The following GPR6 variants were observed in gnomAD, a reference collection of about 807,000 sequenced individuals.
GPR6 encodes sphingosine 1-phosphate receptor GPR6.
Under a neutral mutation model 18.5 loss-of-function variants are expected in GPR6, and 14 were observed. The observed-to-expected ratio is 0.76, with a 90% confidence interval of 0.50 to 1.18. The LOEUF is 1.18. Ranked by LOEUF, GPR6 falls within the 50% of genes most tolerant of loss-of-function variation. The probability of loss-of-function intolerance (pLI) is 0.00; values close to 1 mark genes in which losing one functional copy is unlikely to be tolerated. For missense variants in GPR6, 477 were observed against 495.9 expected (o/e 0.96, Z 0.36); for synonymous variants, 299 against 240.9 (o/e 1.24, Z -2.23).
Position 109,979,358 on chromosome 6 carries a change from G to A in GPR6, c.246G>A (p.Ser82=). Reference sequence around the variant, plus strand: ...CGTGGGACGTGCTCCTGTGCGTGTCGGGGACAGTGATCGCTGGAGAAAACG... The same window carrying A: ...CGTGGGACGTGCTCCTGTGCGTGTCAGGGACAGTGATCGCTGGAGAAAACG... ...VNPWDVLLCV[S]GTVIAGENAL... Residue 82 remains serine (S), a synonymous_variant, in exon 2 of 2, where the codon TCG becomes TCA. Coordinates refer to ENST00000275169, the MANE Select transcript of GPR6 (RefSeq NM_005284.5). 1.9e-6 allele frequency: 3 copies of A among 1,613,722 alleles called. No individual in the cohort carries two copies. Among genetic ancestry groups the A allele is most frequent in the South Asian group, 1.1e-5 (1 of 91,080 alleles).
At position 109,979,128 on chromosome 6, in the gene GPR6, G is replaced by C; in HGVS notation, c.16G>C (p.Ala6Pro). 1.3e-6 allele frequency: 2 copies of C among 1,588,722 alleles called. No homozygotes were observed. Among genetic ancestry groups the C allele is most frequent in the Non-Finnish European group, 1.7e-6 (2 of 1,174,944 alleles). MNASA[A>P]SLNDSQVVVV... Reference sequence around the variant, plus strand: ...TCCGGCCGCGATGAACGCGAGCGCCGCCTCGCTCAACGACTCCCAGGTGGT... The same window carrying C: ...TCCGGCCGCGATGAACGCGAGCGCCCCCTCGCTCAACGACTCCCAGGTGGT... Residue 6 changes from alanine to proline, a missense_variant, in exon 2 of 2, where the codon GCC becomes CCC. Transcript: ENST00000275169.
rs1771050800 is a variant in GPR6, at chr6:109,980,058, C to A, written c.946C>A (p.Leu316Met). 3 of 1,614,122 alleles carry A rather than the reference C, an allele frequency of 1.9e-6. No individual in the cohort carries two copies. Among genetic ancestry groups the A allele is most frequent in the East Asian group, 4.5e-5 (2 of 44,870 alleles). Reference protein sequence around the residue: ...DPAVYTYATLLPATYNSMINP... With the variant: ...DPAVYTYATLMPATYNSMINP... ...GGCGGTCTACACTTACGCCACCCTG[C>A]TGCCCGCCACCTACAACTCCATGAT... is the stretch of plus-strand genomic sequence containing the variant. Residue 316 changes from leucine (L) to methionine (M), a missense_variant, in exon 2 of 2, where the codon CTG (leucine) becomes ATG (methionine). Physicochemically the swap from Leu to Met is conservative, Grantham distance 15. Coordinates refer to ENST00000275169, the MANE Select transcript of GPR6 (RefSeq NM_005284.5).
At position 109,979,940 on chromosome 6, in the gene GPR6, G is replaced by A; in HGVS notation, c.828G>A (p.Lys276=). The change falls in exon 2 of 2, where the codon AAG becomes AAA. Residue 276 remains lysine, a synonymous_variant. Coordinates refer to ENST00000275169, the MANE Select transcript of GPR6 (RefSeq NM_005284.5). Reference sequence around the variant, plus strand: ...CACCCCATCTCGCTGCCACCAGAAAGGGTGTGGGTACACTGGCTGTGGTGC... The same window carrying A: ...CACCCCATCTCGCTGCCACCAGAAAAGGTGTGGGTACACTGGCTGTGGTGC... ...LAPPHLAATR[K]GVGTLAVVLG... is the part of the protein sequence containing the mutation. 1 of 1,613,014 alleles carries A rather than the reference G, an allele frequency of 6.2e-7. No individual in the cohort carries two copies.
chr6:109,979,766 G>T lies in GPR6; in HGVS notation c.654G>T (p.Val218=). 1 of 1,599,174 alleles carries T rather than the reference G, an allele frequency of 6.3e-7. No homozygotes were observed. The part of the protein sequence containing the change: ...NCLAERAACS[V]VRPLARSHVA... ...TGGCAGAGCGCGCCGCCTGCAGCGT[G>T]GTGCGCCCGCTGGCGCGCAGCCACG... The change falls in exon 2 of 2, where the codon GTG becomes GTT. Residue 218 remains valine (V), a synonymous_variant. Transcript: ENST00000275169.
chr6:109,979,474 C>G lies in GPR6; in HGVS notation c.362C>G (p.Ala121Gly). 1 of 1,613,308 alleles carries G rather than the reference C, an allele frequency of 6.2e-7. No individual in the cohort carries two copies. The highest frequency in any genetic ancestry group is 8.5e-7 in the Non-Finnish European group (1 of 1,179,996). ...VGSLATADLL[A>G]GCGLILHFVF... ...AGCCTGGCCACCGCTGACCTGTTGG[C>G]GGGCTGTGGCCTCATCTTGCACTTT... The change falls in exon 2 of 2, where the codon GCG (alanine) becomes GGG (glycine). Residue 121 changes from alanine to glycine, a missense_variant. By Grantham distance (60) the Ala-to-Gly change is moderately conservative. Coordinates refer to ENST00000275169, the MANE Select transcript of GPR6 (RefSeq NM_005284.5).
At position 109,978,361 on chromosome 6, in the gene GPR6, G is replaced by T. The variant is rs971619928; in HGVS notation, c.-125G>T. On this transcript the variant is annotated 5_prime_UTR_variant, in exon 1 of 2. Transcript: ENST00000275169. ...GCGCCCCGCGCTTGCCTCCTCCCCG[G>T]CCCGGCCGCCTCCTGCAGGCAGCTG... 21 of 181,356 alleles carry T rather than the reference G, an allele frequency of 1.2e-4. No individual in the cohort carries two copies. Among genetic ancestry groups the T allele is most frequent in the South Asian group, 1.9e-4 (1 of 5,224 alleles). The allele number at this position is 181,356 out of a possible 1,614,324, so 11.2% of individuals were successfully genotyped here.
At position 109,979,360 on chromosome 6, in the gene GPR6, G is replaced by T; in HGVS notation, c.248G>T (p.Gly83Val). ...NPWDVLLCVS[G>V]TVIAGENALV... ...TGGGACGTGCTCCTGTGCGTGTCGG[G>T]GACAGTGATCGCTGGAGAAAACGCG... The change falls in exon 2 of 2, where the codon GGG (glycine) becomes GTG (valine). Residue 83 changes from glycine (G) to valine (V), a missense_variant. Coordinates refer to ENST00000275169, the MANE Select transcript of GPR6 (RefSeq NM_005284.5). 1 of 1,613,788 alleles carries T rather than the reference G, an allele frequency of 6.2e-7. No homozygotes were observed.
chr6:109,979,483 G>GCCTC lies in GPR6; in HGVS notation c.372_375dup (p.Ile126ProfsTer48). Reference sequence around the variant, plus strand: ...ACCGCTGACCTGTTGGCGGGCTGTGGCCTCATCTTGCACTTTGTGTTCCAG... The same window carrying GCCTC: ...ACCGCTGACCTGTTGGCGGGCTGTGGCCTCCCTCATCTTGCACTTTGTGTTCCAG... On this transcript the variant is annotated frameshift_variant, in exon 2 of 2. Coordinates refer to ENST00000275169, the MANE Select transcript of GPR6 (RefSeq NM_005284.5). LOFTEE classifies it high-confidence loss of function. The GCCTC allele has an allele frequency of 6.2e-7, 1 of 1,613,342 alleles. No homozygotes were observed. The highest frequency in any genetic ancestry group is 8.5e-7 in the Non-Finnish European group (1 of 1,179,998).
At position 109,979,871 on chromosome 6, in the gene GPR6, G is replaced by A; in HGVS notation, c.759G>A (p.Trp253Ter). 6.2e-7 allele frequency: 1 copy of A among 1,609,978 alleles called. No homozygotes were observed. The highest frequency in any genetic ancestry group is 8.5e-7 in the Non-Finnish European group (1 of 1,179,850). The change falls in exon 2 of 2, where the codon TGG becomes TGA. Residue 253 changes from tryptophan to a stop codon, truncating the protein, a stop_gained. Coordinates refer to ENST00000275169, the MANE Select transcript of GPR6 (RefSeq NM_005284.5). LOFTEE classifies it high-confidence loss of function. ...ACGTGCGCATCTGCCAGGTGGTCTG[G>A]CGCCACGCGCACCAGATCGCGCTGC... ...HLYVRICQVV[W>*]RHAHQIALQQ...
In GPR6 at chr6:109,979,147, AGGT is replaced by A. The variant is rs761337051; in HGVS notation, c.42_44del (p.Val16del). 6.2e-7 allele frequency: 1 copy of A among 1,601,358 alleles called. No homozygotes were observed. Among genetic ancestry groups the A allele is most frequent in the Non-Finnish European group, 8.5e-7 (1 of 1,177,906 alleles). On this transcript the variant is annotated inframe_deletion, in exon 2 of 2. Coordinates refer to ENST00000275169, the MANE Select transcript of GPR6 (RefSeq NM_005284.5). ...AGCGCCGCCTCGCTCAACGACTCCC[AGGT>A]GGTGGTAGTGGCGGCCGAAGGAGCG...
At position 109,979,657 on chromosome 6, in the gene GPR6, T is replaced by C. The variant is rs770066151; in HGVS notation, c.545T>C (p.Leu182Pro). Residue 182 changes from leucine to proline, a missense_variant, in exon 2 of 2, where the codon CTG becomes CCG. By Grantham distance (98) the Leu-to-Pro change is moderately conservative. Transcript: ENST00000275169. The stretch of plus-strand genomic sequence containing the variant: ...CTCACCTATTACTCGCGCCGGACCC[T>C]GTTGGGCGTGCACCTCCTGCTTGCC... ...NALTYYSRRT[L>P]LGVHLLLAAT... The C allele has an allele frequency of 1.9e-6, 3 of 1,611,818 alleles. No homozygotes were observed. Among genetic ancestry groups the C allele is most frequent in the Admixed American group, 1.7e-5 (1 of 60,030 alleles).
In GPR6 at chr6:109,979,861, A is replaced by G. The variant is rs1771044668; in HGVS notation, c.749A>G (p.Gln250Arg). The change falls in exon 2 of 2, where the codon CAG becomes CGG. Residue 250 changes from glutamine to arginine, a missense_variant. Coordinates refer to ENST00000275169, the MANE Select transcript of GPR6 (RefSeq NM_005284.5). ...CTGCACCTGTACGTGCGCATCTGCCAGGTGGTCTGGCGCCACGCGCACCAG... is the reference window on the plus strand; with the variant it reads ...CTGCACCTGTACGTGCGCATCTGCCGGGTGGTCTGGCGCCACGCGCACCAG... ...IMLHLYVRIC[Q>R]VVWRHAHQIA... The G allele has an allele frequency of 6.2e-7, 1 of 1,609,512 alleles. No individual in the cohort carries two copies. The highest frequency in any genetic ancestry group is 8.5e-7 in the Non-Finnish European group (1 of 1,179,824).
Position 109,980,504 on chromosome 6 carries a change from T to C in GPR6, c.*303T>C. 2 of 391,564 alleles carry C rather than the reference T, an allele frequency of 5.1e-6. No homozygotes were observed. Among genetic ancestry groups the C allele is most frequent in the Non-Finnish European group, 9.5e-6 (2 of 211,110 alleles). The allele number at this position is 391,564 out of a possible 1,614,324, so 24.3% of individuals were successfully genotyped here. On this transcript the variant is annotated 3_prime_UTR_variant, in exon 2 of 2. Transcript: ENST00000275169. ...AAGATATGGTTGTATACTCAAATTG[T>C]ACATCACGTTTGTCAAACGAAGACA... is the stretch of plus-strand genomic sequence containing the variant.
rs375711945 is a variant in GPR6 at position 109,979,211 on chromosome 6, G to C, written c.99G>C (p.Thr33=). The change falls in exon 2 of 2, where the codon ACG becomes ACC. Residue 33 remains threonine (T), a synonymous_variant. Transcript: ENST00000275169. The stretch of plus-strand genomic sequence containing the variant: ...CCACAGCAGCAGGGGGGCCGGACAC[G>C]GGCGAATGGGGACCCCCTGCTGCGG... ...AAATAAGGPD[T]GEWGPPAAAA... The C allele has an allele frequency of 2.5e-6, 4 of 1,600,620 alleles. No individual in the cohort carries two copies. Among genetic ancestry groups the C allele is most frequent in the East Asian group, 4.5e-5 (2 of 44,788 alleles).
rs1299157387 is a variant in GPR6, at chr6:109,979,807, C to T, written c.695C>T (p.Ala232Val). ...CGCAGCCACGTGGCTCTGCTCTCCG[C>T]CGCCTTCTTCATGGTCTTCGGCATC... ...LARSHVALLS[A>V]AFFMVFGIML... The change falls in exon 2 of 2, where the codon GCC becomes GTC. Residue 232 changes from alanine to valine, a missense_variant. Ala to Val is a moderately conservative substitution (Grantham distance 64). Coordinates refer to ENST00000275169, the MANE Select transcript of GPR6 (RefSeq NM_005284.5). The T allele has an allele frequency of 6.2e-7, 1 of 1,602,216 alleles. No homozygotes were observed. The highest frequency in any genetic ancestry group is 8.5e-7 in the Non-Finnish European group (1 of 1,178,254).
Position 109,979,936 on chromosome 6 carries a change from G to C in GPR6, c.824G>C (p.Arg275Thr). Residue 275 changes from arginine to threonine, a missense_variant, in exon 2 of 2, where the codon AGA becomes ACA. Coordinates refer to ENST00000275169, the MANE Select transcript of GPR6 (RefSeq NM_005284.5). ...CLAPPHLAAT[R>T]KGVGTLAVVL... ...GCGCCACCCCATCTCGCTGCCACCA[G>C]AAAGGGTGTGGGTACACTGGCTGTG... 6.2e-7 allele frequency: 1 copy of C among 1,612,966 alleles called. No individual in the cohort carries two copies. The highest frequency in any genetic ancestry group is 1.1e-5 in the South Asian group (1 of 91,086).
Position 109,979,880 on chromosome 6 carries a change from G to T in GPR6, c.768G>T (p.Ala256=). 3 of 1,610,684 alleles carry T rather than the reference G, an allele frequency of 1.9e-6. No individual in the cohort carries two copies. Among genetic ancestry groups the T allele is most frequent in the Non-Finnish European group, 2.5e-6 (3 of 1,179,872 alleles). Residue 256 remains alanine (A), a synonymous_variant, in exon 2 of 2, where the codon GCG becomes GCT. Transcript: ENST00000275169. ...TCTGCCAGGTGGTCTGGCGCCACGC[G>T]CACCAGATCGCGCTGCAGCAGCACT... ...VRICQVVWRH[A]HQIALQQHCL...
Position 109,980,031 on chromosome 6 carries a change from C to A in GPR6, c.919C>A (p.Pro307Thr), listed in dbSNP as rs1352085549. ...TTGCGTGGTGGGCAGCCATGAGGAC[C>A]CGGCGGTCTACACTTACGCCACCCT... The part of the protein sequence containing the change: ...IYCVVGSHED[P>T]AVYTYATLLP... Residue 307 changes from proline to threonine, a missense_variant, in exon 2 of 2, where the codon CCG (proline) becomes ACG (threonine). By Grantham distance (38) the Pro-to-Thr change is conservative. Transcript: ENST00000275169. The A allele has an allele frequency of 6.2e-7, 1 of 1,613,726 alleles. No individual in the cohort carries two copies. The highest frequency in any genetic ancestry group is 1.1e-5 in the South Asian group (1 of 91,072).
Position 109,979,645 on chromosome 6 carries a change from C to T in GPR6, c.533C>T (p.Ser178Leu), listed in dbSNP as rs755103094. The T allele has an allele frequency of 6.2e-7, 1 of 1,612,280 alleles. No homozygotes were observed. Among genetic ancestry groups the T allele is most frequent in the Non-Finnish European group, 8.5e-7 (1 of 1,179,980 alleles). ...LSLYNALTYY[S>L]RRTLLGVHLL... The stretch of plus-strand genomic sequence containing the variant: ...CTGTATAACGCGCTCACCTATTACT[C>T]GCGCCGGACCCTGTTGGGCGTGCAC... Residue 178 changes from serine (S) to leucine (L), a missense_variant, in exon 2 of 2, where the codon TCG becomes TTG. By Grantham distance (145) the Ser-to-Leu change is moderately radical. Transcript: ENST00000275169.
Sources: gnomAD v4.1 joint callset for allele counts on GRCh38, gnomAD v4.1.1 for gene constraint, MANE v1.5 for transcripts, NCBI Gene and HGNC (gene_info 2026-07-23, HGNC 2026-07-21) for gene names.